The following CDK15 variants were observed in gnomAD, a reference collection of about 807,000 sequenced individuals.
CDK15 encodes the protein cyclin dependent kinase 15.
A neutral mutation model predicts 60.3 loss-of-function variants in CDK15; 62 were observed. The observed-to-expected ratio is 1.03, with a 90% CI of 0.84 to 1.27. The LOEUF is 1.27. Ranked by LOEUF, CDK15 falls within the 50% of genes most tolerant of loss-of-function variation. The pLI is 0.00. For synonymous variants in CDK15, 194 were observed against 195.7 expected (o/e 0.99, Z 0.07); for missense variants, 541 against 527.8 (o/e 1.03, Z -0.25).
intron 8 of CDK15, among the ~76,000 whole-genome samples, chr2:201,838,217 C>T (rs116394436): frequency 0.013 from 1,893 of 148,370 alleles, 38 homozygotes; most frequent in African/African-American, 0.045. Flanking sequence ...GGACATTTGG[C>T]AATGTCTGGA....
chr2:201,823,576 T>G, intron 5 of CDK15, 89 bp from the exon 6 acceptor site: 7 of 1,180,098 alleles, frequency 5.9e-6, no homozygotes, highest in African/African-American at 1.5e-5. Context: ...TCGTAATACC[T>G]TCTGACAGTC....
intron 6 of CDK15, chr2:201,824,822 G>A: frequency 1.6e-6 from 1 of 629,870 alleles, no homozygotes; most frequent in Non-Finnish European, 2.2e-6. Context: ...GAAGGACAGT[G>A]TTACAGCAAT....
intron 10 of CDK15, among the ~76,000 whole-genome samples, chr2:201,866,010 ATGTGTGTGTG>A (rs72270010): frequency 1.9e-4 from 26 of 139,738 alleles, no homozygotes; most frequent in African/African-American, 4.2e-4. Flanking sequence ...ACATGAGTGA[ATGTGTGTGTG>A]TGTGTGTGTG....
At chr2:201,885,175 G>T (rs1398629470) in intron 12 of CDK15, among the ~76,000 whole-genome samples, 2 of 152,100 alleles carry the variant, frequency 1.3e-5, no homozygotes, top group Non-Finnish European at 2.9e-5. Flanking sequence ...TCTTACCATC[G>T]TATGCCTTTT....
chr2:201,864,364 C>T (rs1184408161), intron 10 of CDK15, among the ~76,000 whole-genome samples: 1 of 152,190 alleles, frequency 6.6e-6, no homozygotes, highest in Non-Finnish European at 1.5e-5. Flanking sequence ...GTCACCCAGG[C>T]TGGGGTACAG....
At chr2:201,881,374 C>A (rs1376803561) in intron 12 of CDK15, among the ~76,000 whole-genome samples, 2 of 152,054 alleles carry the variant, frequency 1.3e-5, no homozygotes, top group Admixed American at 6.6e-5. Flanking sequence ...TATTAAATTG[C>A]CATTAAGTGT....
chr2:201,832,134 C>T (rs1198744305), intron 6 of CDK15, among the ~76,000 whole-genome samples: 1 of 152,108 alleles, frequency 6.6e-6, no homozygotes. Flanking sequence ...CAACCTCTGC[C>T]TTCCAGGTTC....
Position 201,872,258 on chromosome 2 carries a change from G to A in CDK15, c.1010-20G>A, listed in dbSNP as rs185229780. 7.0e-5 allele frequency: 113 copies of A among 1,613,528 alleles called. No homozygotes were observed. In the African/African-American group the frequency reaches 8.0e-4, roughly 11 times the overall value. ...TTTCGGGTGGATTTTATTTTTTAAC[G>A]CCCTCTGTATGCTTCCCAGAATGGT... is the stretch of plus-strand genomic sequence containing the variant. On this transcript the variant is annotated intron_variant, in intron 10 of 13. Coordinates refer to ENST00000652192, the MANE Select transcript of CDK15 (RefSeq NM_001366386.2).
chr2:201,839,270 G>T (rs1190019142), intron 8 of CDK15, among the ~76,000 whole-genome samples: 6 of 152,050 alleles, frequency 3.9e-5, no homozygotes, highest in African/African-American at 1.4e-4. Context: ...TCTTCATGAG[G>T]ATACATCAGA....
intron 10 of CDK15, among the ~76,000 whole-genome samples, chr2:201,859,329 A>G (rs755387723): frequency 5.9e-5 from 9 of 152,204 alleles, no homozygotes; most frequent in Non-Finnish European, 1.3e-4. Context: ...TTGTGCATTC[A>G]AATGGCGAAC....
intron 3 of CDK15, among the ~76,000 whole-genome samples, chr2:201,809,915 A>T (rs1166190498): frequency 6.6e-6 from 1 of 152,002 alleles, no homozygotes; most frequent in Non-Finnish European, 1.5e-5. Flanking sequence ...TTCAAGTGTT[A>T]CCTTATTTAT....
At chr2:201,875,173 T>C (rs1699029588) in intron 11 of CDK15, among the ~76,000 whole-genome samples, 1 of 152,262 alleles carries the variant, frequency 6.6e-6, no homozygotes. Flanking sequence ...TAAGATTACA[T>C]GTAGCTGTCC....
chr2:201,868,303 T>G (rs1574922604), intron 10 of CDK15, among the ~76,000 whole-genome samples: 1 of 152,198 alleles, frequency 6.6e-6, no homozygotes, highest in Admixed American at 6.6e-5. Context: ...GTAGAAACTA[T>G]TACTATCCCT....
intron 8 of CDK15, among the ~76,000 whole-genome samples, chr2:201,839,905 T>C (rs968618843): frequency 2.4e-4 from 37 of 152,166 alleles, no homozygotes; most frequent in African/African-American, 8.7e-4. Context: ...GTGTTTGTAA[T>C]TTCTTCATGT....
intron 12 of CDK15, chr2:201,888,325 T>G: frequency 7.4e-7 from 1 of 1,345,104 alleles, no homozygotes; most frequent in Non-Finnish European, 9.7e-7. Context: ...TATCTCATTA[T>G]CTCGTTCCGA....
intron 11 of CDK15, among the ~76,000 whole-genome samples, chr2:201,873,972 T>C (rs1301728113): frequency 5.4e-5 from 8 of 149,200 alleles, no homozygotes; most frequent in Admixed American, 5.4e-4. Flanking sequence ...GAGAATCGCT[T>C]GAACCCGGGA....
At chr2:201,838,841 T>A (rs112273406) in intron 8 of CDK15, among the ~76,000 whole-genome samples, 2 of 152,110 alleles carry the variant, frequency 1.3e-5, no homozygotes, top group Non-Finnish European at 2.9e-5. Flanking sequence ...TCTACCAAAA[T>A]TTTTTTTCCT....
rs1699324407 is a variant in CDK15 at position 201,882,677 on chromosome 2, G to A, written c.1198+2510G>A. On this transcript the variant is annotated intron_variant, in intron 12 of 13. Transcript: ENST00000652192. This position sits in a 1 kb window ranked among gnomAD's most constrained non-coding sequence, Gnocchi z 4.0. ...TGTGTGCTCGTGCACATGAGTGCACGAGCATGTGTGTGTGCTTGTGTATGT... is the reference window on the plus strand; with the variant it reads ...TGTGTGCTCGTGCACATGAGTGCACAAGCATGTGTGTGTGCTTGTGTATGT... Among the ~76,000 whole-genome samples, 1 of 139,338 alleles carries A rather than the reference G, an allele frequency of 7.2e-6. No homozygotes were observed. Among genetic ancestry groups the A allele is most frequent in the Non-Finnish European group, 1.6e-5 (1 of 62,394 alleles). 91.4% of individuals were successfully genotyped at this position (139,338 alleles called of 152,430 possible).
At chr2:201,832,048 AT>A (rs60328652) in intron 6 of CDK15, among the ~76,000 whole-genome samples, 443 of 142,352 alleles carry the variant, frequency 3.1e-3, no homozygotes, top group African/African-American at 4.0e-3. Context: ...ATTGAAAAAC[AT>A]TTTTTTTTTT....
Sources: gnomAD v4.1 joint callset for allele counts (sites outside exome capture counted in the v4.1 genomes callset) on GRCh38, gnomAD v4.1.1 for gene constraint, Gnocchi (gnomAD v3.1) non-coding constraint, MANE v1.5 for transcripts, NCBI Gene and HGNC (gene_info 2026-07-23, HGNC 2026-07-21) for gene names.